LHFPL6: variants seen among roughly 807,000 people sequenced by gnomAD.
The protein encoded by LHFPL6 is LHFPL tetraspan subfamily member 6 protein.
LHFPL6 carries 9 observed loss-of-function variants against 20.6 expected under a neutral mutation model. That is an observed-to-expected ratio of 0.44 (90% CI 0.26 to 0.76). The LOEUF (loss-of-function observed/expected upper bound fraction) is 0.76. Ranked by LOEUF, LHFPL6 falls within the 30% of genes least tolerant of loss-of-function variation. LHFPL6 has a pLI of 0.20. For synonymous variants in LHFPL6, 105 were observed against 98.7 expected (o/e 1.06, Z -0.38); for missense variants, 218 against 253.5 (o/e 0.86, Z 0.95).
chr13:39,392,284 T>G (rs1870727710), intron 2 of LHFPL6, among the ~76,000 whole-genome samples: 1 of 151,726 alleles, frequency 6.6e-6, no homozygotes, highest in African/African-American at 2.4e-5. Flanking sequence ...AAAATGAAAA[T>G]AAAAAAAGAC....
At chr13:39,548,719 A>C (rs1291458531) in intron 2 of LHFPL6, among the ~76,000 whole-genome samples, 2 of 152,134 alleles carry the variant, frequency 1.3e-5, no homozygotes, top group Admixed American at 1.3e-4. Context: ...CAGTAAAAGA[A>C]ACCGGGGTTT....
intron 3 of LHFPL6, among the ~76,000 whole-genome samples, chr13:39,371,832 G>A (rs556329718): frequency 2.0e-5 from 3 of 152,240 alleles, no homozygotes; most frequent in Non-Finnish European, 4.4e-5. Flanking sequence ...CCCTTTGAGC[G>A]GACACATGAC....
chr13:39,360,132 T>C lies in LHFPL6; in HGVS notation c.485-16078A>G, dbSNP rs1472398940. On this transcript the variant is annotated intron_variant, in intron 3 of 3. Coordinates refer to ENST00000379589, the MANE Select transcript of LHFPL6 (RefSeq NM_005780.3). ...GCCTCCCAGGTTCATGCCAATCTCCTGCCCCAGCCTCCAGAGTAGCTGGGA... is the reference window on the plus strand; with the variant it reads ...GCCTCCCAGGTTCATGCCAATCTCCCGCCCCAGCCTCCAGAGTAGCTGGGA... 3.1e-5 allele frequency among the ~76,000 whole-genome samples: 3 copies of C among 97,394 alleles called. 1 individual carries two copies. The highest frequency in any genetic ancestry group is 9.0e-5 in the African/African-American group (3 of 33,234). The allele number at this position is 97,394 out of a possible 152,430, so 63.9% of individuals were successfully genotyped here. A position where few individuals can be genotyped will look rare whatever the true frequency, so the allele number is the denominator to read the frequency against.
At chr13:39,565,173 G>A (rs1363416460) in intron 2 of LHFPL6, among the ~76,000 whole-genome samples, 1 of 148,370 alleles carries the variant, frequency 6.7e-6, no homozygotes, top group African/African-American at 2.5e-5. Flanking sequence ...CTTATATCCA[G>A]GAGGACAATA....
intron 2 of LHFPL6, among the ~76,000 whole-genome samples, chr13:39,468,519 G>C (rs763394397): frequency 1.3e-5 from 2 of 152,078 alleles, no homozygotes; most frequent in Admixed American, 1.3e-4. Flanking sequence ...ACTGGGCCAA[G>C]AGCCATGAAA....
At chr13:39,400,506 G>A (rs936112439) in intron 2 of LHFPL6, among the ~76,000 whole-genome samples, 14 of 152,114 alleles carry the variant, frequency 9.2e-5, no homozygotes, top group African/African-American at 2.9e-4. Context: ...TGGCAAGGCC[G>A]GGCGCGGTGG....
chr13:39,425,654 A>C (rs1871617818), intron 2 of LHFPL6, among the ~76,000 whole-genome samples: 1 of 152,090 alleles, frequency 6.6e-6, no homozygotes, highest in Non-Finnish European at 1.5e-5. Context: ...TTATATGCTT[A>C]TTTGCTGTCC....
At position 39,601,390 on chromosome 13, in the gene LHFPL6, C is replaced by T. The variant is rs1872942325; in HGVS notation, c.-174G>A. ...ATCCTCTGCACTAAAGATGATGGTC[C>T]CTGGTAAAACAACAGGAAACATTAA... is the stretch of plus-strand genomic sequence containing the variant. On this transcript the variant is annotated splice_region_variant and 5_prime_UTR_variant, in exon 2 of 4. The change abolishes an upstream ATG in the 5' untranslated region. Coordinates refer to ENST00000379589, the MANE Select transcript of LHFPL6 (RefSeq NM_005780.3). 1.9e-6 allele frequency: 1 copy of T among 531,338 alleles called. No homozygotes were observed. The highest frequency in any genetic ancestry group is 3.3e-5 in the Admixed American group (1 of 30,272). The allele number at this position is 531,338 out of a possible 1,614,324, so 32.9% of individuals were successfully genotyped here.
At chr13:39,497,175 C>T (rs1446163003) in intron 2 of LHFPL6, among the ~76,000 whole-genome samples, 1 of 152,138 alleles carries the variant, frequency 6.6e-6, no homozygotes, top group African/African-American at 2.4e-5. Flanking sequence ...ACAATCTCCA[C>T]AACAGGCAGA....
intron 2 of LHFPL6, among the ~76,000 whole-genome samples, chr13:39,465,101 A>G (rs146786043): frequency 3.3e-5 from 5 of 152,330 alleles, no homozygotes; most frequent in Non-Finnish European, 5.9e-5. Context: ...CTATGGCAAT[A>G]AAGAAAAAAT....
intron 2 of LHFPL6, among the ~76,000 whole-genome samples, chr13:39,403,960 A>G (rs1396950311): frequency 6.6e-6 from 1 of 152,152 alleles, no homozygotes; most frequent in Non-Finnish European, 1.5e-5. Flanking sequence ...GGCCAAGTAG[A>G]AGGCCTGGAA....
At position 39,586,199 on chromosome 13, in the gene LHFPL6, C is replaced by A. The variant is rs1245763654; in HGVS notation, c.385+14633G>T. Among the ~76,000 whole-genome samples the A allele has an allele frequency of 3.9e-5, 6 of 151,968 alleles. No individual in the cohort carries two copies. In the East Asian group the frequency reaches 1.2e-3, roughly 29 times the overall value. ...TATATATATATATACACATACACAG[C>A]ATTTCCTGCATTTTTAGGAAGAAAA... On this transcript the variant is annotated intron_variant, in intron 2 of 3. Coordinates refer to ENST00000379589, the MANE Select transcript of LHFPL6 (RefSeq NM_005780.3).
At chr13:39,472,252 T>TA in intron 2 of LHFPL6, among the ~76,000 whole-genome samples, 1 of 152,292 alleles carries the variant, frequency 6.6e-6, no homozygotes, top group East Asian at 1.9e-4. Context: ...CACTAACAAG[T>TA]AAAAATCACT....
chr13:39,433,151 T>C (rs936211160), intron 2 of LHFPL6, among the ~76,000 whole-genome samples: 2 of 152,140 alleles, frequency 1.3e-5, no homozygotes, highest in Non-Finnish European at 1.5e-5. Flanking sequence ...CTCTAAATTG[T>C]TATAAGGCTC....
intron 2 of LHFPL6, among the ~76,000 whole-genome samples, chr13:39,505,394 C>T (rs530662907): frequency 4.6e-5 from 7 of 152,014 alleles, no homozygotes; most frequent in East Asian, 1.9e-4. Context: ...TAAGGAATTG[C>T]GCAAGACCCC....
chr13:39,462,843 C>T (rs898365324), intron 2 of LHFPL6, among the ~76,000 whole-genome samples: 1 of 152,116 alleles, frequency 6.6e-6, no homozygotes, highest in African/African-American at 2.4e-5. Context: ...GTGAAAATTG[C>T]CCCTGAGAAG....
intron 2 of LHFPL6, among the ~76,000 whole-genome samples, chr13:39,443,918 A>G (rs9566436): frequency 1.3e-5 from 2 of 151,262 alleles, no homozygotes; most frequent in East Asian, 3.9e-4. Context: ...GAGCATGTTT[A>G]TGGTAGGCTA....
chr13:39,588,576 C>T lies in LHFPL6; in HGVS notation c.385+12256G>A, dbSNP rs891618839. Among the ~76,000 whole-genome samples, 4 of 152,192 alleles carry T rather than the reference C, an allele frequency of 2.6e-5. No individual in the cohort carries two copies. The South Asian group carries it at 8.3e-4, about 31-fold the overall frequency. ...GAAGAGGGAACTGTAGTATGACACACCATCGTTTCAACATGCATGACGACT... is the reference window on the plus strand; with the variant it reads ...GAAGAGGGAACTGTAGTATGACACATCATCGTTTCAACATGCATGACGACT... On this transcript the variant is annotated intron_variant, in intron 2 of 3. Coordinates refer to ENST00000379589, the MANE Select transcript of LHFPL6 (RefSeq NM_005780.3).
chr13:39,374,765 T>G (rs184234389), intron 3 of LHFPL6, among the ~76,000 whole-genome samples: 78 of 152,262 alleles, frequency 5.1e-4, no homozygotes, highest in African/African-American at 1.8e-3. Flanking sequence ...CTAACATACT[T>G]CACATTTATA....
Sources: gnomAD v4.1 joint callset for allele counts (sites outside exome capture counted in the v4.1 genomes callset) on GRCh38, gnomAD v4.1.1 for gene constraint, MANE v1.5 for transcripts, NCBI Gene and HGNC (gene_info 2026-07-23, HGNC 2026-07-21) for gene names.